ADAMTSL1: variants seen among roughly 807,000 people sequenced by gnomAD.
The protein encoded by ADAMTSL1 is ADAMTS-like protein 1.
A neutral mutation model predicts 201.8 loss-of-function variants in ADAMTSL1; 126 were observed. That is an observed-to-expected ratio of 0.62 (90% CI 0.54 to 0.72). The LOEUF is 0.72. ADAMTSL1 is among the 30% of genes least tolerant of loss of function. ADAMTSL1 has a pLI of 0.00. For missense variants in ADAMTSL1, 2,679 were observed against 2,277.8 expected (o/e 1.18, Z -3.59); for synonymous variants, 1,121 against 903.4 (o/e 1.24, Z -4.32).
intron 2 of ADAMTSL1, among the ~76,000 whole-genome samples, chr9:18,287,032 C>T (rs1271742327): frequency 6.6e-6 from 1 of 152,118 alleles, no homozygotes; most frequent in Non-Finnish European, 1.5e-5. Flanking sequence ...TCTCAGTGCC[C>T]TACACTAACA....
intron 2 of ADAMTSL1, among the ~76,000 whole-genome samples, chr9:18,179,532 A>T (rs184012744): frequency 1.3e-5 from 2 of 152,276 alleles, no homozygotes; most frequent in African/African-American, 4.8e-5. Context: ...AGAACACCAC[A>T]AAGATACTCC....
intron 1 of ADAMTSL1, among the ~76,000 whole-genome samples, chr9:17,979,401 A>C (rs1038582814): frequency 3.9e-5 from 6 of 152,064 alleles, no homozygotes; most frequent in African/African-American, 1.4e-4. Context: ...GGATAATTTC[A>C]AATGTCCTGT....
At chr9:18,275,792 G>T (rs1832564225) in intron 2 of ADAMTSL1, among the ~76,000 whole-genome samples, 1 of 152,056 alleles carries the variant, frequency 6.6e-6, no homozygotes, top group African/African-American at 2.4e-5. Flanking sequence ...TCCAGTTTGA[G>T]ACTATTATTA....
At chr9:18,204,060 A>T (rs1829551135) in intron 2 of ADAMTSL1, among the ~76,000 whole-genome samples, 1 of 152,210 alleles carries the variant, frequency 6.6e-6, no homozygotes, top group Non-Finnish European at 1.5e-5. Flanking sequence ...TTCTCTTCTT[A>T]AGAACATATC....
rs551963959 is a variant in ADAMTSL1 at position 17,955,336 on chromosome 9, TTTG to T, written c.87+48417_87+48419del. On this transcript the variant is annotated intron_variant, in intron 1 of 29. Transcript: ENST00000680146. ...CTGTCAGCAAAGGGAAAGGAGGGCTTTTGTTCTGATGATTTTCTTGGTTTGCTG... is the reference window on the plus strand; with the variant it reads ...CTGTCAGCAAAGGGAAAGGAGGGCTTTTCTGATGATTTTCTTGGTTTGCTG... Among the ~76,000 whole-genome samples the T allele has an allele frequency of 1.4e-4, 21 of 152,270 alleles. No homozygotes were observed. The South Asian group carries it at 3.5e-3, about 26-fold the overall frequency.
upstream of ADAMTSL1, among the ~76,000 whole-genome samples, chr9:18,469,557 G>A (rs1001568956): frequency 2.0e-5 from 3 of 152,236 alleles, no homozygotes; most frequent in African/African-American, 7.2e-5. Flanking sequence ...CACCATGGGA[G>A]TTGCTGCCTC....
intron 2 of ADAMTSL1, among the ~76,000 whole-genome samples, chr9:18,459,431 G>A (rs2131702767): frequency 6.6e-6 from 1 of 152,096 alleles, no homozygotes; most frequent in Admixed American, 6.5e-5. Flanking sequence ...TTGCACTTGA[G>A]GCCTTACCTC....
At position 17,922,477 on chromosome 9, in the gene ADAMTSL1, T is replaced by C. The variant is rs577351518; in HGVS notation, c.87+15555T>C. On this transcript the variant is annotated intron_variant, in intron 1 of 29. Coordinates refer to the ADAMTSL1 transcript ENST00000680146. ...CTCAATCTCAGAGATTCTGATTCAA[T>C]AGGACTAGGATGGGTTTAGGGATAT... Among the ~76,000 whole-genome samples the C allele has an allele frequency of 3.9e-5, 6 of 152,264 alleles. 1 individual carries two copies. Among genetic ancestry groups the C allele is most frequent in the East Asian group, 1.9e-4 (1 of 5,176 alleles).
intron 2 of ADAMTSL1, among the ~76,000 whole-genome samples, chr9:18,334,408 A>G (rs575854807): frequency 1.3e-3 from 191 of 152,294 alleles, no homozygotes; most frequent in African/African-American, 4.5e-3. Context: ...TAGTTCTTAT[A>G]TATTACATTG....
intron 10 of ADAMTSL1, among the ~76,000 whole-genome samples, chr9:18,677,724 C>T (rs1055654666): frequency 1.3e-5 from 2 of 152,012 alleles, no homozygotes; most frequent in African/African-American, 2.4e-5. Flanking sequence ...TATATTAAAA[C>T]GATCCTCCTG....
chr9:18,795,648 G>T, intron 20 of ADAMTSL1, 124 bp downstream of exon 20: 1 of 1,080,124 alleles, frequency 9.3e-7, no homozygotes, highest in Non-Finnish European at 1.3e-6. Flanking sequence ...CAGGGAGTTT[G>T]TAATCTATAA....
intron 19 of ADAMTSL1, among the ~76,000 whole-genome samples, chr9:18,789,702 A>C (rs916772122): frequency 1.3e-5 from 2 of 152,192 alleles, no homozygotes; most frequent in African/African-American, 4.8e-5. Context: ...ATTCTTGTGT[A>C]GTATAGCAGC....
chr9:18,774,913 CTA>C (rs1820889768), intron 17 of ADAMTSL1, among the ~76,000 whole-genome samples: 1 of 152,150 alleles, frequency 6.6e-6, no homozygotes, highest in Admixed American at 6.5e-5. Context: ...AGTAAAATTG[CTA>C]GGTCTCATGG....
At chr9:18,099,351 ATATATTTTTTT>A (rs1201899832) in intron 1 of ADAMTSL1, among the ~76,000 whole-genome samples, 5 of 52,624 alleles carry the variant, frequency 9.5e-5, no homozygotes, top group South Asian at 6.6e-4. Flanking sequence ...ATATATATAT[ATATATTTTTTT>A]TTTTTTTTTT....
chr9:18,211,092 C>G (rs547853479), intron 2 of ADAMTSL1, among the ~76,000 whole-genome samples: 1 of 152,234 alleles, frequency 6.6e-6, no homozygotes, highest in Admixed American at 6.5e-5. Flanking sequence ...ACCTCTCTAA[C>G]CCTGGAGCAC....
At chr9:18,836,884 T>G (rs1036021301) in intron 23 of ADAMTSL1, among the ~76,000 whole-genome samples, 1 of 152,206 alleles carries the variant, frequency 6.6e-6, no homozygotes, top group African/African-American at 2.4e-5. Context: ...GTAAATGGCA[T>G]TGCATTCTTG....
intron 2 of ADAMTSL1, among the ~76,000 whole-genome samples, chr9:18,181,534 A>C (rs1466809774): frequency 6.6e-6 from 1 of 152,042 alleles, no homozygotes; most frequent in Non-Finnish European, 1.5e-5. Flanking sequence ...ACACATGAAA[A>C]AATGCTCACC....
intron 1 of ADAMTSL1, among the ~76,000 whole-genome samples, chr9:18,142,605 T>C (rs957074879): frequency 1.3e-5 from 2 of 152,106 alleles, no homozygotes; most frequent in African/African-American, 4.8e-5. Context: ...CAGAGATAAA[T>C]ATATCTCTTG....
chr9:18,311,309 G>A (rs7855772), intron 2 of ADAMTSL1, among the ~76,000 whole-genome samples: 1 of 151,594 alleles, frequency 6.6e-6, no homozygotes. Flanking sequence ...CCTATGTAAC[G>A]TGCACATTCT....
Sources: allele counts gnomAD v4.1 joint callset (sites outside exome capture counted in the v4.1 genomes callset), GRCh38; gene constraint gnomAD v4.1.1; transcripts MANE v1.5; gene names NCBI Gene and HGNC (gene_info 2026-07-23, HGNC 2026-07-21).